The following SGSM3 variants were observed in gnomAD, a reference collection of about 807,000 sequenced individuals.
SGSM3 encodes RUN and SH3 containing 3.
Under a neutral mutation model 100.5 loss-of-function variants are expected in SGSM3, and 96 were observed. The ratio of observed to expected loss-of-function variants is 0.96; its 90% CI spans 0.81 to 1.13. The LOEUF is 1.13. SGSM3 is among the 50% of genes most tolerant of loss of function. The pLI, the probability that SGSM3 is intolerant of heterozygous loss-of-function variation, is 0.00. For synonymous variants in SGSM3, 483 were observed against 422.8 expected, an observed-to-expected ratio of 1.14 and a Z score of -1.75; for missense variants, 1,001 against 1,015.8, an observed-to-expected ratio of 0.99 and a Z score of 0.20.
At chr22:40,409,548 G>A (rs1286155816) in intron 21 of SGSM3, 23 bp downstream of exon 21, 4 of 1,611,676 alleles carry the variant, frequency 2.5e-6, no homozygotes, top group South Asian at 1.1e-5. Flanking sequence ...GGCCTCGTAG[G>A]GCCTGCACTG....
At chr22:40,400,975 C>T (rs2050675840) in intron 2 of SGSM3, among the ~76,000 whole-genome samples, 162 bp downstream of exon 2, 1 of 152,212 alleles carries the variant, frequency 6.6e-6, no homozygotes, top group Non-Finnish European at 1.5e-5. Context: ...AAACTTCCTT[C>T]TCAGCTCTGC....
rs887389105 is a variant in SGSM3, at chr22:40,407,909, G to A, written c.1579+66G>A. Reference sequence around the variant, plus strand: ...GGGGGTGGGCACAGAAGACTTGGGTGACCCTGGCCGCCACCAAGCTGTTCT... The same window carrying A: ...GGGGGTGGGCACAGAAGACTTGGGTAACCCTGGCCGCCACCAAGCTGTTCT... On this transcript the variant is annotated intron_variant, in intron 14 of 21. Coordinates refer to ENST00000248929, the MANE Select transcript of SGSM3 (RefSeq NM_015705.6). This position sits in a 1 kb window ranked among gnomAD's most constrained non-coding sequence, Gnocchi z 4.7. 4.6e-6 allele frequency: 7 copies of A among 1,519,652 alleles called. No homozygotes were observed. Among genetic ancestry groups the A allele is most frequent in the Non-Finnish European group, 6.3e-6 (7 of 1,113,408 alleles). The allele number at this position is 1,519,652 out of a possible 1,614,324, so 94.1% of individuals were successfully genotyped here.
At chr22:40,383,489 T>C (rs1456813251) in intron 1 of SGSM3, among the ~76,000 whole-genome samples, 1 of 145,816 alleles carries the variant, frequency 6.9e-6, no homozygotes, top group African/African-American at 2.5e-5. Flanking sequence ...AAAAAGTCAG[T>C]AGGAACAAGT....
Position 40,379,323 on chromosome 22 carries a change from ATATC to A in SGSM3, c.-112+8638_-112+8641del, listed in dbSNP as rs547655067. ...TGGGTCTGCTTTGTGTTCTAGGAGA[ATATC>A]TAGCTCATGCTGTCCACTTCGTACC... On this transcript the variant is annotated intron_variant, in intron 1 of 21. Transcript: ENST00000248929. The A allele has an allele frequency of 2.8e-4, 42 of 152,440 alleles. No individual in the cohort carries two copies. In the East Asian group the frequency reaches 7.9e-3, roughly 29 times the overall value. The allele number at this position is 152,440 out of a possible 1,614,324, so 9.4% of individuals were successfully genotyped here.
At chr22:40,374,335 C>T (rs1318865502) in intron 1 of SGSM3, among the ~76,000 whole-genome samples, 3 of 152,144 alleles carry the variant, frequency 2.0e-5, no homozygotes, top group African/African-American at 7.2e-5. Context: ...AGAGAGAAAG[C>T]TTAAATTGGT....
intron 1 of SGSM3, among the ~76,000 whole-genome samples, chr22:40,389,175 G>C (rs2048953032): frequency 6.6e-6 from 1 of 152,116 alleles, no homozygotes; most frequent in Non-Finnish European, 1.5e-5. Context: ...TGGAAAAGGA[G>C]ACTAAGAAGG....
At chr22:40,386,362 C>G (rs992014438) in intron 1 of SGSM3, among the ~76,000 whole-genome samples, 1 of 152,082 alleles carries the variant, frequency 6.6e-6, no homozygotes, top group Non-Finnish European at 1.5e-5. Flanking sequence ...AGGTTCACAA[C>G]AGTAAGAGGA....
At chr22:40,378,821 G>A (rs905997718) in intron 1 of SGSM3, among the ~76,000 whole-genome samples, 1 of 152,100 alleles carries the variant, frequency 6.6e-6, no homozygotes, top group Non-Finnish European at 1.5e-5. Context: ...GTGATTCTCT[G>A]ATTGAAATCT....
chr22:40,404,416 C>T lies in SGSM3; in HGVS notation c.327C>T (p.Ser109=), dbSNP rs748225065. The change falls in exon 5 of 22, where the codon TCC becomes TCT. Residue 109 remains serine (S), a synonymous_variant. Coordinates refer to ENST00000248929, the MANE Select transcript of SGSM3 (RefSeq NM_015705.6). ...TACCCCGCTCTGAGAAGCTCCGCTC[C>T]CTGGTGCTGGCCGGCATCCCACATG... The part of the protein sequence containing the change: ...VSLPRSEKLR[S]LVLAGIPHGM... The T allele has an allele frequency of 3.1e-6, 5 of 1,607,314 alleles. No individual in the cohort carries two copies. Among genetic ancestry groups the T allele is most frequent in the African/African-American group, 2.7e-5 (2 of 74,822 alleles).
At chr22:40,385,629 G>A (rs779518652) in intron 1 of SGSM3, among the ~76,000 whole-genome samples, 3 of 152,180 alleles carry the variant, frequency 2.0e-5, no homozygotes, top group Non-Finnish European at 4.4e-5. Context: ...GCTGAGCTTC[G>A]TTAAAGCTGG....
In SGSM3 at chr22:40,402,222, T is replaced by G; in HGVS notation, c.157+17T>G. The G allele has an allele frequency of 6.2e-7, 1 of 1,601,060 alleles. No homozygotes were observed. Among genetic ancestry groups the G allele is most frequent in the Non-Finnish European group, 8.6e-7 (1 of 1,168,116 alleles). On this transcript the variant is annotated intron_variant, in intron 4 of 21. Coordinates refer to ENST00000248929, the MANE Select transcript of SGSM3 (RefSeq NM_015705.6). The stretch of plus-strand genomic sequence containing the variant: ...ACAAGGAAGGTAAACTTGAGCCCCT[T>G]TTGTGTGTCATCTTGCTGATGTTCT...
intron 1 of SGSM3, among the ~76,000 whole-genome samples, chr22:40,371,760 G>T (rs958674939): frequency 2.0e-5 from 3 of 151,760 alleles, no homozygotes; most frequent in Admixed American, 2.0e-4. Flanking sequence ...GCAATGACAT[G>T]ATCTCGGCTC....
intron 2 of SGSM3, 68 bp from the exon 3 acceptor site, chr22:40,401,525 C>A: frequency 8.0e-7 from 1 of 1,256,716 alleles, no homozygotes; most frequent in Non-Finnish European, 1.2e-6. Flanking sequence ...AGATTACAGG[C>A]GTGAGCCACT....
In SGSM3 at chr22:40,400,821, C is replaced by T; in HGVS notation, c.7+8C>T. On this transcript the variant is annotated splice_region_variant and intron_variant, in intron 2 of 21. Coordinates refer to ENST00000248929, the MANE Select transcript of SGSM3 (RefSeq NM_015705.6). Reference sequence around the variant, plus strand: ...CCACCAGCACAATGTCAGGTAGAGGCAGGGGCTGGACTTGGAAACGGGGTT... The same window carrying T: ...CCACCAGCACAATGTCAGGTAGAGGTAGGGGCTGGACTTGGAAACGGGGTT... 1 of 1,539,156 alleles carries T rather than the reference C, an allele frequency of 6.5e-7. No individual in the cohort carries two copies. Among genetic ancestry groups the T allele is most frequent in the Non-Finnish European group, 8.7e-7 (1 of 1,143,034 alleles).
intron 1 of SGSM3, among the ~76,000 whole-genome samples, chr22:40,386,742 A>C (rs1257176735): frequency 1.3e-5 from 2 of 151,720 alleles, no homozygotes; most frequent in African/African-American, 4.8e-5. Flanking sequence ...TTTTTCAAAA[A>C]GTATGAGAGA....
intron 16 of SGSM3, 93 bp downstream of exon 16, chr22:40,408,522 G>T (rs932910104): frequency 6.3e-7 from 1 of 1,591,994 alleles, no homozygotes; most frequent in Non-Finnish European, 8.6e-7. Context: ...CCCACAGAGA[G>T]GATGGGAAGA....
chr22:40,399,408 C>T (rs1002455448), intron 1 of SGSM3, among the ~76,000 whole-genome samples: 3 of 152,210 alleles, frequency 2.0e-5, no homozygotes, highest in African/African-American at 4.8e-5. Context: ...CAGCAGGAGG[C>T]GTAATAGAGC....
rs1050715414 is a variant in SGSM3 at position 40,409,332 on chromosome 22, C to G, written c.2071C>G (p.Leu691Val). The G allele has an allele frequency of 6.2e-7, 1 of 1,612,778 alleles. No homozygotes were observed. Among genetic ancestry groups the G allele is most frequent in the African/African-American group, 1.3e-5 (1 of 74,904 alleles). The change falls in exon 20 of 22, where the codon CTG (leucine) becomes GTG (valine). Residue 691 changes from leucine to valine, a missense_variant. Coordinates refer to ENST00000248929, the MANE Select transcript of SGSM3 (RefSeq NM_015705.6). The stretch of plus-strand genomic sequence containing the variant: ...GAAGTGGTACCAGCCCTGGTCCTTC[C>G]TGCGCAGCCCGGGCTGGGTCCAGAT... Reference protein sequence around the residue: ...VEKWYQPWSFLRSPGWVQIKC... With the variant: ...VEKWYQPWSFVRSPGWVQIKC...
intron 1 of SGSM3, among the ~76,000 whole-genome samples, chr22:40,399,477 G>A (rs1280454061): frequency 6.6e-6 from 1 of 152,224 alleles, no homozygotes; most frequent in Non-Finnish European, 1.5e-5. Flanking sequence ...ATTTCACAGG[G>A]TGGGGTTACA....
Sources: allele counts gnomAD v4.1 joint callset (sites outside exome capture counted in the v4.1 genomes callset), GRCh38; gene constraint gnomAD v4.1.1; non-coding constraint Gnocchi (gnomAD v3.1); transcripts MANE v1.5; gene names NCBI Gene and HGNC (gene_info 2026-07-23, HGNC 2026-07-21).